The following ETV4 variants were observed in gnomAD, a reference collection of about 807,000 sequenced individuals.
The protein encoded by ETV4 is ETS translocation variant 4.
In ETV4, 42 loss-of-function variants were observed where a neutral mutation model predicts 65.9. That is an observed-to-expected ratio of 0.64 (90% CI 0.50 to 0.82). The LOEUF is 0.82. Among genes scored for constraint, ETV4 ranks in the 40% least tolerant of loss-of-function variants. The pLI is 0.00. For synonymous variants in ETV4, 238 were observed against 260.0 expected (o/e 0.92, Z 0.81); for missense variants, 583 against 630.3 (o/e 0.92, Z 0.80).
intron 4 of ETV4, among the ~76,000 whole-genome samples, chr17:43,539,146 A>C (rs1166836092): frequency 6.6e-6 from 1 of 152,170 alleles, no homozygotes; most frequent in Non-Finnish European, 1.5e-5. Flanking sequence ...TATTTAAAGC[A>C]TGAAATCCAA....
In ETV4 at chr17:43,533,978, G is replaced by A. The variant is rs1971101785; in HGVS notation, c.264C>T (p.Phe88=). The change falls in exon 6 of 13, where the codon TTC becomes TTT. Residue 88 remains phenylalanine, a synonymous_variant. Coordinates refer to ENST00000319349, the MANE Select transcript of ETV4 (RefSeq NM_001079675.5). ...VPDFHSENLA[F]HSPTTRIKKE... ...TCTTGATCCTGGTGGTGGGGCTGTG[G>A]AAAGCTACTGTGGGGGTGGAGGGGA... 3 of 1,532,140 alleles carry A rather than the reference G, an allele frequency of 2.0e-6. No individual in the cohort carries two copies. The highest frequency in any genetic ancestry group is 1.3e-5 in the South Asian group (1 of 75,700). 94.9% of individuals were successfully genotyped at this position (1,532,140 alleles called of 1,614,324 possible). A position where few individuals can be genotyped will look rare whatever the true frequency, so the allele number is the denominator to read the frequency against.
In ETV4 at chr17:43,529,616, C is replaced by G; in HGVS notation, c.1016G>C (p.Gly339Ala). ...FREGPPYQRRGALQLWQFLVA... is the reference protein window; with the variant it reads ...FREGPPYQRRAALQLWQFLVA... ...CAGAAATTGCCACAGCTGCAGGGCA[C>G]CCCGGCGCTGGTAGGGCGGCCCCTC... Residue 339 changes from glycine to alanine, a missense_variant, in exon 11 of 13, where the codon GGT becomes GCT. Physicochemically the swap from Gly to Ala is moderately conservative, Grantham distance 60. Coordinates refer to ENST00000319349, the MANE Select transcript of ETV4 (RefSeq NM_001079675.5). 1 of 1,614,110 alleles carries G rather than the reference C, an allele frequency of 6.2e-7. No homozygotes were observed. The highest frequency in any genetic ancestry group is 8.5e-7 in the Non-Finnish European group (1 of 1,180,014).
Position 43,532,748 on chromosome 17 carries a change from C to A in ETV4, c.737G>T (p.Gly246Val). The A allele has an allele frequency of 6.2e-7, 1 of 1,614,076 alleles. No homozygotes were observed. ...CCCTGGGTACCTGTGCCCATTGACC[C>A]CACCCTGGTCCACGGCTGGCTGGCC... ...QAGQPAVDQG[G>V]VNGHRYPGAG... is the part of the protein sequence containing the mutation. Residue 246 changes from glycine to valine, a missense_variant, in exon 8 of 13, where the codon GGG (glycine) becomes GTG (valine). Gly to Val is a moderately radical substitution (Grantham distance 109). Transcript: ENST00000319349.
intron 4 of ETV4, among the ~76,000 whole-genome samples, chr17:43,537,850 C>T (rs1450229030): frequency 2.7e-5 from 4 of 150,490 alleles, no homozygotes; most frequent in East Asian, 2.0e-4. Context: ...AAAATTAGGC[C>T]GGGCGCGGTG....
intron 12 of ETV4, 113 bp from the exon 13 acceptor site, chr17:43,528,856 G>T (rs1271608923): frequency 8.5e-6 from 7 of 818,824 alleles, no homozygotes; most frequent in Non-Finnish European, 1.4e-5. Context: ...GATGCTCGGG[G>T]CATTTCTCTC....
At position 43,532,629 on chromosome 17, in the gene ETV4, TG is replaced by T. The variant is rs1283051057; in HGVS notation, c.811+44del. Reference sequence around the variant, plus strand: ...ACTCGGGAGACATTCTGGGCTTAACTGAACACTTGATCACATGCCACCCTGC... The same window carrying T: ...ACTCGGGAGACATTCTGGGCTTAACTAACACTTGATCACATGCCACCCTGC... On this transcript the variant is annotated intron_variant, in intron 8 of 12. Transcript: ENST00000319349. The T allele has an allele frequency of 3.2e-6, 5 of 1,555,896 alleles. No individual in the cohort carries two copies. In the South Asian group the frequency reaches 5.9e-5, roughly 18 times the overall value.
Position 43,532,878 on chromosome 17 carries a change from C to T in ETV4, c.607G>A (p.Glu203Lys). ...HSFTSQGGGR[E>K]PLPAPYQHQL... ...TGTTGGTAGGGGGCTGGGAGGGGTT[C>T]CCGGCCCCCTCCCTGAGATGTGAAG... is the stretch of plus-strand genomic sequence containing the variant. The change falls in exon 8 of 13, where the codon GAA (glutamate) becomes AAA (lysine). Residue 203 changes from glutamate (E) to lysine (K), a missense_variant. Physicochemically the swap from Glu to Lys is moderately conservative, Grantham distance 56. Coordinates refer to ENST00000319349, the MANE Select transcript of ETV4 (RefSeq NM_001079675.5). The T allele has an allele frequency of 6.2e-7, 1 of 1,604,732 alleles. No individual in the cohort carries two copies. The highest frequency in any genetic ancestry group is 8.5e-7 in the Non-Finnish European group (1 of 1,174,952).
At chr17:43,534,425 CG>C (rs1971127069) in intron 5 of ETV4, among the ~76,000 whole-genome samples, 1 of 152,068 alleles carries the variant, frequency 6.6e-6, no homozygotes, top group Non-Finnish European at 1.5e-5. Context: ...ACCCAGGAGG[CG>C]GGGATTGCAG....
In ETV4 at chr17:43,533,294, A is replaced by C. The variant is rs750503447; in HGVS notation, c.438T>G (p.Leu146=). 10 of 1,613,906 alleles carry C rather than the reference A, an allele frequency of 6.2e-6. No homozygotes were observed. Among genetic ancestry groups the C allele is most frequent in the Non-Finnish European group, 8.5e-6 (10 of 1,179,894 alleles). Residue 146 remains leucine (L), a synonymous_variant, in exon 7 of 13, where the codon CTT becomes CTG. Transcript: ENST00000319349. ...IAIKSPAPGA[L]GQSPLQPFPR... is the part of the protein sequence containing the mutation. ...GAAAGGGCTGTAGGGGCGACTGTCC[A>C]AGGGCACCAGGGGCAGGGGACTTGA... is the stretch of plus-strand genomic sequence containing the variant.
Position 43,528,553 on chromosome 17 carries a change from TG to T in ETV4, c.1420del (p.Gln474SerfsTer31). ...GTAGCCACCCTTGGGGCCAAATGGC[TG>T]GGCGGGGCCAGCCAGCTCTGGGAGG... ...AYLPELAGPA[Q>X]PFGPKGGYSY On this transcript the variant is annotated frameshift_variant, in exon 13 of 13. Transcript: ENST00000319349. LOFTEE classifies it high-confidence loss of function. The T allele has an allele frequency of 1.9e-6, 3 of 1,612,794 alleles. No individual in the cohort carries two copies. The highest frequency in any genetic ancestry group is 1.7e-6 in the Non-Finnish European group (2 of 1,179,252).
In ETV4 at chr17:43,545,611, G is replaced by A. The variant is rs970220648; in HGVS notation, c.7C>T (p.Arg3Trp). The A allele has an allele frequency of 1.3e-6, 2 of 1,550,768 alleles. No homozygotes were observed. The highest frequency in any genetic ancestry group is 1.4e-5 in the African/African-American group (1 of 73,014). ...TCCAAGTATCCGGCTTTCATCCTCC[G>A]CTCCATCCGGCCGCTCCCTCCGGCC... Reference protein sequence around the residue: MERRMKAGYLDQQ... With the variant: MEWRMKAGYLDQQ... The change falls in exon 2 of 13, where the codon CGG (arginine) becomes TGG (tryptophan). Residue 3 changes from arginine to tryptophan, a missense_variant. Transcript: ENST00000319349.
At chr17:43,543,205 A>G (rs1261184865) in intron 4 of ETV4, among the ~76,000 whole-genome samples, 3 of 135,802 alleles carry the variant, frequency 2.2e-5, no homozygotes, top group Non-Finnish European at 4.7e-5. Flanking sequence ...TCCGCCTTGC[A>G]ATCCCCACCC....
intron 9 of ETV4, 54 bp downstream of exon 9, chr17:43,530,053 A>T: frequency 6.2e-7 from 1 of 1,610,248 alleles, no homozygotes; most frequent in South Asian, 1.1e-5. Context: ...CCCCCATGGC[A>T]GCGCTCCCTC....
At chr17:43,540,242 C>A (rs1480751428) in intron 4 of ETV4, among the ~76,000 whole-genome samples, 1 of 152,192 alleles carries the variant, frequency 6.6e-6, no homozygotes, top group Non-Finnish European at 1.5e-5. Context: ...GATCTGAGGT[C>A]TGGAATTCTA....
intron 8 of ETV4, chr17:43,530,481 G>A (rs1970855520): frequency 7.7e-7 from 1 of 1,291,528 alleles, no homozygotes; most frequent in Non-Finnish European, 1.0e-6. Context: ...TTTCCTGCGA[G>A]TTCAGGGGGA....
Position 43,542,675 on chromosome 17 carries a change from C to T in ETV4, c.202+2300G>A, listed in dbSNP as rs147099593. Among the ~76,000 whole-genome samples, 706 of 152,280 alleles carry T rather than the reference C, an allele frequency of 4.6e-3. 6 individuals carry two copies. Among genetic ancestry groups the T allele is most frequent in the African/African-American group, 0.016 (673 of 41,552 alleles). ...CTCCATAAAGCCGCACTCACACTCA[C>T]CCTTCAACGCCCGGACGCAGGACAC... On this transcript the variant is annotated intron_variant, in intron 4 of 12. Coordinates refer to ENST00000319349, the MANE Select transcript of ETV4 (RefSeq NM_001079675.5).
chr17:43,543,391 G>C (rs543047271), intron 4 of ETV4, among the ~76,000 whole-genome samples: 11 of 152,182 alleles, frequency 7.2e-5, no homozygotes, highest in African/African-American at 2.4e-4. Context: ...CCAAGGTAGA[G>C]AGATGAGAGC....
chr17:43,529,646 A>G lies in ETV4; in HGVS notation c.986T>C (p.Phe329Ser), dbSNP rs1970783565. 1.2e-6 allele frequency: 2 copies of G among 1,613,546 alleles called. No homozygotes were observed. Among genetic ancestry groups the G allele is most frequent in the Admixed American group, 3.3e-5 (2 of 59,940 alleles). Residue 329 changes from phenylalanine (F) to serine (S), a missense_variant, in exon 11 of 13, where the codon TTT (phenylalanine) becomes TCT (serine). Phe to Ser is a radical substitution (Grantham distance 155). Transcript: ENST00000319349. ...GDIKQEGVGA[F>S]REGPPYQRRG... Reference sequence around the variant, plus strand: ...GCGCTGGTAGGGCGGCCCCTCTCGAAATGCACCGACCCCTTCCTGCTTGAT... The same window carrying G: ...GCGCTGGTAGGGCGGCCCCTCTCGAGATGCACCGACCCCTTCCTGCTTGAT...
intron 8 of ETV4, among the ~76,000 whole-genome samples, chr17:43,531,003 G>T (rs1970902317): frequency 6.6e-6 from 1 of 152,148 alleles, no homozygotes; most frequent in South Asian, 2.1e-4. Flanking sequence ...ATCCCCTCCG[G>T]TCTACAGCCT....
Sources: gnomAD v4.1 joint callset for allele counts (sites outside exome capture counted in the v4.1 genomes callset) on GRCh38, gnomAD v4.1.1 for gene constraint, MANE v1.5 for transcripts, NCBI Gene and HGNC (gene_info 2026-07-23, HGNC 2026-07-21) for gene names.